Variants in CENPF observed in about 807,000 individuals in gnomAD.
The protein encoded by CENPF is centromere protein F.
In CENPF, 214 loss-of-function variants were observed where a neutral mutation model predicts 307.3. The ratio of observed to expected loss-of-function variants is 0.70; its 90% CI spans 0.62 to 0.78. The LOEUF (loss-of-function observed/expected upper bound fraction) is 0.78, where lower values mean the gene tolerates loss of function less well. Ranked by LOEUF, CENPF falls within the 30% of genes least tolerant of loss-of-function variation. The pLI, the probability that CENPF is intolerant of heterozygous loss-of-function variation, is 0.00. For missense variants in CENPF, 3,401 were observed against 3,483.9 expected (o/e 0.98, Z 0.60); for synonymous variants, 1,259 against 1,270.6 (o/e 0.99, Z 0.19).
Position 214,609,644 on chromosome 1 carries a change from T to G in CENPF, c.-41-4070T>G, listed in dbSNP as rs534648939. On this transcript the variant is annotated intron_variant, in intron 1 of 19. Coordinates refer to ENST00000366955, the MANE Select transcript of CENPF (RefSeq NM_016343.4). ...ATGCAGGTTTGTTTTACAGGTAGAC[T>G]CATGTCATGGGGGATTGTTGTACAG... Among the ~76,000 whole-genome samples the G allele has an allele frequency of 1.5e-4, 23 of 152,318 alleles. 1 individual carries two copies. The highest frequency in any genetic ancestry group is 5.5e-4 in the African/African-American group (23 of 41,578).
chr1:214,633,709 G>T (rs912724170), intron 10 of CENPF, among the ~76,000 whole-genome samples: 4 of 150,572 alleles, frequency 2.7e-5, no homozygotes, highest in African/African-American at 7.5e-5. Context: ...AATACTGCTG[G>T]AGATAGGGGG....
chr1:214,630,655 T>C lies in CENPF; in HGVS notation c.1316T>C (p.Leu439Pro), dbSNP rs1449523871. Residue 439 changes from leucine to proline, a missense_variant, in exon 9 of 20, where the codon CTG becomes CCG. Transcript: ENST00000366955. ...KNMHNVLQAE[L>P]DKLTSVKQQL... ...ATGCACAACGTCCTGCAGGCTGAAC[T>C]GGATAAAGTAGGGGCCGTGTCTCTC... is the stretch of plus-strand genomic sequence containing the variant. 2.5e-6 allele frequency: 4 copies of C among 1,614,044 alleles called. No individual in the cohort carries two copies. In the African/African-American group the frequency reaches 5.3e-5, roughly 22 times the overall value.
chr1:214,619,006 C>A, intron 4 of CENPF, 123 bp from the exon 5 acceptor site: 3 of 598,504 alleles, frequency 5.0e-6, no homozygotes, highest in South Asian at 5.1e-5. Flanking sequence ...ATCTATTTCC[C>A]TAACCAAAAT....
chr1:214,605,745 C>T (rs1558165941), intron 1 of CENPF: 6 of 1,594,078 alleles, frequency 3.8e-6, no homozygotes, highest in Admixed American at 1.7e-5. Flanking sequence ...CTGTAGAGCT[C>T]GATGTCGTTG....
Position 214,645,907 on chromosome 1 carries a change from G to A in CENPF, c.6337G>A (p.Glu2113Lys), listed in dbSNP as rs558035098. 31 of 1,614,124 alleles carry A rather than the reference G, an allele frequency of 1.9e-5. No homozygotes were observed. The African/African-American group carries it at 3.5e-4, about 18-fold the overall frequency. Residue 2113 changes from glutamate (E) to lysine (K), a missense_variant, in exon 13 of 20, where the codon GAA (glutamate) becomes AAA (lysine). Coordinates refer to ENST00000366955, the MANE Select transcript of CENPF (RefSeq NM_016343.4). ...FALRLSSTQEEVHQLRRGIEK... is the reference protein window; with the variant it reads ...FALRLSSTQEKVHQLRRGIEK... ...ATTGAGGCTGAGCTCAACACAGGAGGAAGTGCATCAGCTGAGAAGAGGCAT... is the reference window on the plus strand; with the variant it reads ...ATTGAGGCTGAGCTCAACACAGGAGAAAGTGCATCAGCTGAGAAGAGGCAT...
At position 214,645,549 on chromosome 1, in the gene CENPF, T is replaced by C. The variant is rs1262576879; in HGVS notation, c.5979T>C (p.Ser1993=). The C allele has an allele frequency of 6.2e-7, 1 of 1,613,974 alleles. No individual in the cohort carries two copies. The highest frequency in any genetic ancestry group is 8.5e-7 in the Non-Finnish European group (1 of 1,180,022). Residue 1993 remains serine, a synonymous_variant, in exon 13 of 20, where the codon TCT becomes TCC. Coordinates refer to ENST00000366955, the MANE Select transcript of CENPF (RefSeq NM_016343.4). ...AGGAGAAAACACAAGAGCTTGAGTC[T>C]CATCAAAGTGAGTGTCTCCATTGCA... is the stretch of plus-strand genomic sequence containing the variant. The part of the protein sequence containing the change: ...KMKEKTQELE[S]HQSECLHCIQ...
intron 8 of CENPF, among the ~76,000 whole-genome samples, chr1:214,630,109 T>C (rs1414986408): frequency 6.6e-6 from 1 of 152,174 alleles, no homozygotes; most frequent in African/African-American, 2.4e-5. Flanking sequence ...ATATATTTCC[T>C]GTCCTTCTAC....
At chr1:214,651,155 C>G (rs895014647) in intron 14 of CENPF, among the ~76,000 whole-genome samples, 3 of 152,150 alleles carry the variant, frequency 2.0e-5, no homozygotes, top group African/African-American at 4.8e-5. Flanking sequence ...GAAACACATA[C>G]AGAGACAGCT....
At position 214,653,053 on chromosome 1, in the gene CENPF, G is replaced by T. The variant is rs1658532813; in HGVS notation, c.8322+64G>T. 9 of 1,398,304 alleles carry T rather than the reference G, an allele frequency of 6.4e-6. No individual in the cohort carries two copies. In the South Asian group the frequency reaches 1.1e-4, roughly 16 times the overall value. The allele number at this position is 1,398,304 out of a possible 1,614,324, so 86.6% of individuals were successfully genotyped here. On this transcript the variant is annotated intron_variant, in intron 16 of 19. Transcript: ENST00000366955. ...TTATACAGGTGGTAGTGATTTTAAT[G>T]GTATAGCATTAAACGTTTTCATTTT...
At chr1:214,650,110 AATTTAGATAGGGTGGTCAGCAG>A (rs1208430409) in intron 14 of CENPF, among the ~76,000 whole-genome samples, 2 of 152,172 alleles carry the variant, frequency 1.3e-5, no homozygotes, top group South Asian at 2.1e-4. Context: ...GAAACAACCT[AATTTAGATAGGGTGGTCAGCAG>A]ATTTAGATAG....
At position 214,646,556 on chromosome 1, in the gene CENPF, A is replaced by C. The variant is rs1357353079; in HGVS notation, c.6986A>C (p.His2329Pro). The C allele has an allele frequency of 6.2e-7, 1 of 1,614,144 alleles. No homozygotes were observed. The highest frequency in any genetic ancestry group is 1.7e-5 in the Admixed American group (1 of 60,034). ...CVLQQLKESE[H>P]HADLLKGRVE... ...TTACAACAACTGAAGGAAAGTGAGC[A>C]TCATGCAGATTTACTTAAGGGTAGA... The change falls in exon 13 of 20, where the codon CAT (histidine) becomes CCT (proline). Residue 2329 changes from histidine (H) to proline (P), a missense_variant. His to Pro is a moderately conservative substitution (Grantham distance 77, BLOSUM62 -2). Coordinates refer to ENST00000366955, the MANE Select transcript of CENPF (RefSeq NM_016343.4).
In CENPF at chr1:214,620,698, A is replaced by T; in HGVS notation, c.617A>T (p.Asp206Val). Residue 206 changes from aspartate (D) to valine (V), a missense_variant, in exon 6 of 20, where the codon GAC (aspartate) becomes GTC (valine). Transcript: ENST00000366955. The stretch of plus-strand genomic sequence containing the variant: ...CCACAAGCCACCATGAATCACCGCG[A>T]CATTGCCCGGCATCAGGCTTCATCA... ...TLPQATMNHR[D>V]IARHQASSSV... 1 of 1,614,176 alleles carries T rather than the reference A, an allele frequency of 6.2e-7. No individual in the cohort carries two copies. Among genetic ancestry groups the T allele is most frequent in the South Asian group, 1.1e-5 (1 of 91,066 alleles).
Position 214,643,313 on chromosome 1 carries a change from G to T in CENPF, c.4975G>T (p.Asp1659Tyr). 1.3e-6 allele frequency: 2 copies of T among 1,496,040 alleles called. No individual in the cohort carries two copies. Among genetic ancestry groups the T allele is most frequent in the South Asian group, 2.9e-5 (2 of 70,072 alleles). The allele number at this position is 1,496,040 out of a possible 1,614,324, so 92.7% of individuals were successfully genotyped here. ...DLSSRSLLGI[D>Y]TEDAIQGRNE... ...AAGTTCTCGGTCTTTGCTTGGCATC[G>T]ACACAGAAGATGTAAGTACCTGGGA... Residue 1659 changes from aspartate to tyrosine, a missense_variant, in exon 12 of 20, where the codon GAC (aspartate) becomes TAC (tyrosine). By Grantham distance (160) the Asp-to-Tyr change is radical. Coordinates refer to ENST00000366955, the MANE Select transcript of CENPF (RefSeq NM_016343.4).
At chr1:214,623,516 A>C (rs1379081647) in intron 7 of CENPF, among the ~76,000 whole-genome samples, 1 of 151,990 alleles carries the variant, frequency 6.6e-6, no homozygotes. Context: ...TAAGACTCCA[A>C]CGGAGGCCAA....
chr1:214,646,539 AC>A lies in CENPF; in HGVS notation c.6970del (p.Leu2324Ter), dbSNP rs1558187028. ...AGAAGCAGCTCTGTGTCTTACAACA[AC>A]TGAAGGAAAGTGAGCATCATGCAGA... ...EKKQLCVLQQ[L>X]KESEHHADLL... On this transcript the variant is annotated frameshift_variant, in exon 13 of 20. Transcript: ENST00000366955. LOFTEE classifies it high-confidence loss of function. The A allele has an allele frequency of 6.2e-7, 1 of 1,614,144 alleles. No homozygotes were observed.
In CENPF at chr1:214,645,494, C is replaced by T. The variant is rs79313448; in HGVS notation, c.5924C>T (p.Thr1975Met). 1.4e-3 allele frequency: 2,277 copies of T among 1,613,836 alleles called. 31 individuals are homozygous for T. In the African/African-American group the frequency reaches 0.026, roughly 18 times the overall value. The change falls in exon 13 of 20, where the codon ACG becomes ATG. Residue 1975 changes from threonine to methionine, a missense_variant. By Grantham distance (81) the Thr-to-Met change is moderately conservative. Transcript: ENST00000366955. ...GELDTMSKKTTALDQLSEKMK... is the reference protein window; with the variant it reads ...GELDTMSKKTMALDQLSEKMK... ...TTAGATACTATGTCAAAAAAAACCA[C>T]GGCACTGGATCAGTTGTCTGAAAAA...
rs1257572014 is a variant in CENPF, at chr1:214,645,431, C to T, written c.5861C>T (p.Ser1954Leu). 5 of 1,613,994 alleles carry T rather than the reference C, an allele frequency of 3.1e-6. No individual in the cohort carries two copies. The highest frequency in any genetic ancestry group is 1.1e-5 in the South Asian group (1 of 91,072). Residue 1954 changes from serine to leucine, a missense_variant, in exon 13 of 20, where the codon TCA becomes TTA. Physicochemically the swap from Ser to Leu is moderately radical, Grantham distance 145. Transcript: ENST00000366955. Reference sequence around the variant, plus strand: ...ATTGTCTGCCTTGAAGAAGAACTCTCAGTGGTCACAAGTGAGAGAAACCAG... The same window carrying T: ...ATTGTCTGCCTTGAAGAAGAACTCTTAGTGGTCACAAGTGAGAGAAACCAG... ...KVIVCLEEEL[S>L]VVTSERNQLR... is the part of the protein sequence containing the mutation.
In CENPF at chr1:214,632,545, T is replaced by C. The variant is rs746377282; in HGVS notation, c.1389T>C (p.Ala463=). The C allele has an allele frequency of 1.2e-6, 2 of 1,614,140 alleles. No individual in the cohort carries two copies. Among genetic ancestry groups the C allele is most frequent in the Non-Finnish European group, 1.7e-6 (2 of 1,180,002 alleles). The stretch of plus-strand genomic sequence containing the variant: ...AGTTTAAGCAAAAGTTGTGCAGAGC[T>C]GAACAGGCGTTCCAGGCGAGTCAGA... ...LEEFKQKLCR[A]EQAFQASQIK... The change falls in exon 10 of 20, where the codon GCT becomes GCC. Residue 463 remains alanine (A), a synonymous_variant. Coordinates refer to ENST00000366955, the MANE Select transcript of CENPF (RefSeq NM_016343.4).
intron 1 of CENPF, 148 bp from the exon 2 acceptor site, chr1:214,613,566 G>A: frequency 2.0e-6 from 1 of 489,734 alleles, no homozygotes; most frequent in Non-Finnish European, 3.6e-6. Context: ...CCTTTCAGAG[G>A]ATGGAGAAGA....
Sources: allele counts gnomAD v4.1 joint callset (sites outside exome capture counted in the v4.1 genomes callset), GRCh38; gene constraint gnomAD v4.1.1; transcripts MANE v1.5; gene names NCBI Gene and HGNC (gene_info 2026-07-23, HGNC 2026-07-21).